The following NFX1 variants were observed in gnomAD, a reference collection of about 807,000 sequenced individuals.
NFX1 encodes the protein nuclear transcription factor, X-box binding 1, also known as transcriptional repressor NF-X1.
A neutral mutation model predicts 137.2 loss-of-function variants in NFX1; 69 were observed. The observed-to-expected ratio is 0.50, with a 90% CI of 0.41 to 0.61. The LOEUF is 0.61. NFX1 is among the 20% of genes least tolerant of loss of function. NFX1 has a pLI of 0.00. For missense variants in NFX1, 1,167 were observed against 1,391.0 expected (o/e 0.84, Z 2.56); for synonymous variants, 495 against 474.1 (o/e 1.04, Z -0.57).
chr9:33,354,245 G>T (rs1823740790), intron 18 of NFX1, 58 bp downstream of exon 18: 2 of 1,330,778 alleles, frequency 1.5e-6, no homozygotes, highest in South Asian at 1.3e-5. Context: ...CAATTAGAGG[G>T]CAGAGATTAT....
chr9:33,332,483 T>C lies in NFX1; in HGVS notation c.2016T>C (p.Cys672=). 6.3e-7 allele frequency: 1 copy of C among 1,588,440 alleles called. No individual in the cohort carries two copies. The highest frequency in any genetic ancestry group is 8.6e-7 in the Non-Finnish European group (1 of 1,164,466). ...TTCTTTTTCCATAGGAGCTTCCATG[T>C]ACCAGTCTCAAAAGTGAAGGTATGA... ...RCSFRTKELP[C]TSLKSEDATF... is the part of the protein sequence containing the mutation. Residue 672 remains cysteine, a synonymous_variant, in exon 11 of 24, where the codon TGT becomes TGC. Transcript: ENST00000379540.
intron 2 of NFX1, among the ~76,000 whole-genome samples, chr9:33,298,510 G>A (rs1821438969): frequency 6.6e-6 from 1 of 152,222 alleles, no homozygotes; most frequent in Non-Finnish European, 1.5e-5. Context: ...GGATGTGGTG[G>A]CTCACATCTG....
At chr9:33,312,730 G>C (rs532403985) in intron 6 of NFX1, among the ~76,000 whole-genome samples, 2 of 152,202 alleles carry the variant, frequency 1.3e-5, no homozygotes, top group Non-Finnish European at 2.9e-5. Flanking sequence ...AATTGGCTGG[G>C]TGTGGTGACA....
rs550517856 is a variant in NFX1 at position 33,326,378 on chromosome 9, A to G, written c.1907-2203A>G. On this transcript the variant is annotated intron_variant, in intron 9 of 23. Coordinates refer to ENST00000379540, the MANE Select transcript of NFX1 (RefSeq NM_002504.6). ...CAGTGAGCCAAGATCATGCCACTGC[A>G]CTTCAGCCTGGGCAACAGAGCAAGC... Among the ~76,000 whole-genome samples the G allele has an allele frequency of 2.0e-5, 3 of 148,682 alleles. No homozygotes were observed. The South Asian group carries it at 6.4e-4, about 32-fold the overall frequency.
At chr9:33,358,692 T>G (rs1422873157) in intron 19 of NFX1, among the ~76,000 whole-genome samples, 1 of 120,716 alleles carries the variant, frequency 8.3e-6, no homozygotes, top group Non-Finnish European at 1.6e-5. Context: ...ATACAGAGTC[T>G]CACTCTGTCT....
At chr9:33,297,467 A>C (rs1821397815) in intron 2 of NFX1, among the ~76,000 whole-genome samples, 1 of 152,224 alleles carries the variant, frequency 6.6e-6, no homozygotes, top group Admixed American at 6.5e-5. Context: ...GAATTATCAC[A>C]ATGTAGTGGC....
At chr9:33,329,359 C>G (rs1822715261) in intron 10 of NFX1, among the ~76,000 whole-genome samples, 1 of 152,182 alleles carries the variant, frequency 6.6e-6, no homozygotes, top group Non-Finnish European at 1.5e-5. Context: ...AGTCTCCAGT[C>G]TCTCCCGAGG....
chr9:33,332,559 A>G (rs375872260), intron 11 of NFX1, 57 bp downstream of exon 11: 1 of 1,300,794 alleles, frequency 7.7e-7, no homozygotes, highest in African/African-American at 1.5e-5. Flanking sequence ...GTCACTCTGA[A>G]TCTTGTTAGG....
At chr9:33,338,694 G>A (rs1823105710) in intron 12 of NFX1, 105 bp downstream of exon 12, 6 of 950,174 alleles carry the variant, frequency 6.3e-6, no homozygotes, top group Middle Eastern at 2.3e-4. Context: ...AAGTCACTGG[G>A]ACAGGCCCCT....
intron 7 of NFX1, among the ~76,000 whole-genome samples, chr9:33,318,025 G>C (rs973000237): frequency 1.4e-5 from 2 of 142,810 alleles, no homozygotes; most frequent in African/African-American, 2.6e-5. Flanking sequence ...GAAACCTTTT[G>C]GTTCTGTTTA....
intron 7 of NFX1, among the ~76,000 whole-genome samples, chr9:33,315,525 G>A (rs574526861): frequency 3.3e-5 from 5 of 152,062 alleles, no homozygotes; most frequent in African/African-American, 4.8e-5. Flanking sequence ...TTTCCCCAGC[G>A]TTTCCTTTCA....
Position 33,347,050 on chromosome 9 carries a change from G to A in NFX1, c.2357G>A (p.Cys786Tyr). ...HECDHPVYHS[C>Y]HSEEKCPPCT... Reference sequence around the variant, plus strand: ...TCTCTTTCTGCAGTATATCATTCTTGTCATAGTGAGGAGAAGTGTCCCCCT... The same window carrying A: ...TCTCTTTCTGCAGTATATCATTCTTATCATAGTGAGGAGAAGTGTCCCCCT... Residue 786 changes from cysteine to tyrosine, a missense_variant, in exon 15 of 24, where the codon TGT (cysteine) becomes TAT (tyrosine). Physicochemically the swap from Cys to Tyr is radical, Grantham distance 194. Transcript: ENST00000379540. 6.2e-7 allele frequency: 1 copy of A among 1,612,870 alleles called. No homozygotes were observed. The highest frequency in any genetic ancestry group is 2.2e-5 in the East Asian group (1 of 44,852).
intron 1 of NFX1, among the ~76,000 whole-genome samples, chr9:33,292,695 T>C (rs1358448425): frequency 1.3e-5 from 2 of 152,220 alleles, no homozygotes; most frequent in African/African-American, 4.8e-5. Context: ...GTTGAACATA[T>C]CCTGTATATG....
chr9:33,330,930 G>C (rs909741576), intron 10 of NFX1, among the ~76,000 whole-genome samples: 1 of 152,132 alleles, frequency 6.6e-6, no homozygotes, highest in African/African-American at 2.4e-5. Context: ...TGTAATCCCA[G>C]CACTTTGGGA....
intron 2 of NFX1, among the ~76,000 whole-genome samples, chr9:33,298,206 A>T (rs1220135080): frequency 1.3e-5 from 2 of 152,252 alleles, no homozygotes; most frequent in African/African-American, 4.8e-5. Flanking sequence ...TATTTTACAT[A>T]GGTTGACCTC....
chr9:33,297,574 T>G (rs1265442390), intron 2 of NFX1, among the ~76,000 whole-genome samples: 2 of 152,208 alleles, frequency 1.3e-5, no homozygotes, highest in Non-Finnish European at 2.9e-5. Flanking sequence ...CAAATTTGGC[T>G]AGGCATGTGA....
chr9:33,356,942 T>C (rs1239206035), intron 19 of NFX1, among the ~76,000 whole-genome samples: 2 of 147,750 alleles, frequency 1.4e-5, no homozygotes, highest in African/African-American at 5.0e-5. Flanking sequence ...CAGTGAGCCA[T>C]GATCACCAGT....
chr9:33,306,845 A>G (rs922553048), intron 4 of NFX1, among the ~76,000 whole-genome samples: 3 of 152,094 alleles, frequency 2.0e-5, no homozygotes, highest in Non-Finnish European at 4.4e-5. Context: ...TCCTTCCAGC[A>G]GCAATTCGCA....
chr9:33,362,000 A>G (rs1308468133), intron 19 of NFX1, among the ~76,000 whole-genome samples: 1 of 151,760 alleles, frequency 6.6e-6, no homozygotes, highest in Non-Finnish European at 1.5e-5. Flanking sequence ...GCACACTTGT[A>G]GTGCCAGCTA....
Sources: allele counts gnomAD v4.1 joint callset (sites outside exome capture counted in the v4.1 genomes callset), GRCh38; gene constraint gnomAD v4.1.1; transcripts MANE v1.5; gene names NCBI Gene and HGNC (gene_info 2026-07-23, HGNC 2026-07-21).